Variants in NOPCHAP1 observed in about 807,000 individuals in gnomAD.
The protein encoded by NOPCHAP1 is NOP protein chaperone 1.
NOPCHAP1 carries 13 observed loss-of-function variants against 14.0 expected under a neutral mutation model. The observed-to-expected ratio is 0.93, with a 90% CI of 0.60 to 1.47. The LOEUF (loss-of-function observed/expected upper bound fraction) is 1.47, where lower values mean the gene tolerates loss of function less well. Among genes scored for constraint, NOPCHAP1 ranks in the 40% most tolerant of loss-of-function variants. The pLI is 0.00. For missense variants in NOPCHAP1, 230 were observed against 226.9 expected, an observed-to-expected ratio of 1.01 and a Z score of -0.09; for synonymous variants, 78 against 78.4, an observed-to-expected ratio of 1.00 and a Z score of 0.03.
Position 105,006,665 on chromosome 12 carries a change from A to G in NOPCHAP1, c.*11969A>G, listed in dbSNP as rs1023005457. 9.2e-5 allele frequency: 14 copies of G among 152,210 alleles called. No homozygotes were observed. Among genetic ancestry groups the G allele is most frequent in the African/African-American group, 3.4e-4 (14 of 41,450 alleles). The allele number at this position is 152,210 out of a possible 1,614,324, so 9.4% of individuals were successfully genotyped here. A position where few individuals can be genotyped will look rare whatever the true frequency, so the allele number is the denominator to read the frequency against. ...GGTTAGCAGCCTTATAGATAAGGGC[A>G]GTCCTGATCATAAATCTAATTGCAT... On this transcript the variant is annotated 3_prime_UTR_variant, in exon 4 of 4. Transcript: ENST00000552951.
Position 105,013,973 on chromosome 12 carries a change from T to G in NOPCHAP1, c.*19277T>G, listed in dbSNP as rs1435718614. 3 of 152,330 alleles carry G rather than the reference T, an allele frequency of 2.0e-5. No homozygotes were observed. Among genetic ancestry groups the G allele is most frequent in the Non-Finnish European group, 4.4e-5 (3 of 68,126 alleles). 9.4% of individuals were successfully genotyped at this position (152,330 alleles called of 1,614,324 possible). A position where few individuals can be genotyped will look rare whatever the true frequency, so the allele number is the denominator to read the frequency against. The stretch of plus-strand genomic sequence containing the variant: ...CCGGAGTTGTTCCTATTTGGCCATC[T>G]TGCCAGCCAGCCGAGAGATCACTTT... On this transcript the variant is annotated 3_prime_UTR_variant, in exon 4 of 4. Transcript: ENST00000552951.
rs944107804 is a variant in NOPCHAP1 at position 105,001,854 on chromosome 12, ATTTGT to A, written c.*7162_*7166del. ...CCACCAGAATTGTATAAGATTTTTCATTTGTTTTAACTTTTGTTTTTCCATGTTTA... is the reference window on the plus strand; with the variant it reads ...CCACCAGAATTGTATAAGATTTTTCATTTAACTTTTGTTTTTCCATGTTTA... On this transcript the variant is annotated 3_prime_UTR_variant, in exon 4 of 4. Transcript: ENST00000552951. 4 of 152,214 alleles carry A rather than the reference ATTTGT, an allele frequency of 2.6e-5. No individual in the cohort carries two copies. Among genetic ancestry groups the A allele is most frequent in the Non-Finnish European group, 4.4e-5 (3 of 67,966 alleles). 9.4% of individuals were successfully genotyped at this position (152,214 alleles called of 1,614,324 possible).
chr12:105,013,857 T>A lies in NOPCHAP1; in HGVS notation c.*19161T>A, dbSNP rs755997071. ...CCCCATCCATGGGCTGTACCCACTG[T>A]CTAACCAGTCCCAATGAGGTGAGCT... On this transcript the variant is annotated 3_prime_UTR_variant, in exon 4 of 4. Coordinates refer to ENST00000552951, the MANE Select transcript of NOPCHAP1 (RefSeq NM_152318.3). The A allele has an allele frequency of 1.3e-5, 2 of 152,616 alleles. No homozygotes were observed. Among genetic ancestry groups the A allele is most frequent in the Non-Finnish European group, 2.9e-5 (2 of 68,424 alleles). The allele number at this position is 152,616 out of a possible 1,614,324, so 9.5% of individuals were successfully genotyped here.
chr12:104,994,459 T>C lies in NOPCHAP1; in HGVS notation c.340-19T>C. Reference sequence around the variant, plus strand: ...AGGAACTGCTCTGAAATAGATTTCCTGTCCACTACTTTTTGCAGGATGTGG... The same window carrying C: ...AGGAACTGCTCTGAAATAGATTTCCCGTCCACTACTTTTTGCAGGATGTGG... On this transcript the variant is annotated intron_variant, in intron 3 of 3. Transcript: ENST00000552951. 1 of 1,605,738 alleles carries C rather than the reference T, an allele frequency of 6.2e-7. No homozygotes were observed.
Position 104,994,617 on chromosome 12 carries a change from A to C in NOPCHAP1, c.479A>C (p.Asn160Thr). Residue 160 changes from asparagine to threonine, a missense_variant, in exon 4 of 4, where the codon AAC (asparagine) becomes ACC (threonine). By Grantham distance (65) the Asn-to-Thr change is moderately conservative. Coordinates refer to ENST00000552951, the MANE Select transcript of NOPCHAP1 (RefSeq NM_152318.3). Reference protein sequence around the residue: ...DSIPSEVTIDNIKLPNSEGGK... With the variant: ...DSIPSEVTIDTIKLPNSEGGK... ...ATCCCATCTGAAGTCACCATAGATA[A>C]CATTAAGCTTCCCAATTCTGAAGGT... 4.3e-6 allele frequency: 7 copies of C among 1,613,998 alleles called. No individual in the cohort carries two copies. Among genetic ancestry groups the C allele is most frequent in the Non-Finnish European group, 5.9e-6 (7 of 1,179,960 alleles).
intron 3 of NOPCHAP1, 129 bp from the exon 4 acceptor site, chr12:104,994,349 A>G (rs1873446939): frequency 1.1e-6 from 1 of 947,492 alleles, no homozygotes; most frequent in East Asian, 2.4e-5. Flanking sequence ...TCTGTCTCCA[A>G]AAAAAACCAA....
rs1019071080 is a variant in NOPCHAP1, at chr12:104,992,186, T to C, written c.339+338T>C. 4.6e-5 allele frequency among the ~76,000 whole-genome samples: 7 copies of C among 152,312 alleles called. 1 individual carries two copies. Among genetic ancestry groups the C allele is most frequent in the Admixed American group, 1.3e-4 (2 of 15,306 alleles). On this transcript the variant is annotated intron_variant, in intron 3 of 3. Transcript: ENST00000552951. ...ATAAATGATGTGTGGAAGAGAGCAA[T>C]TGATTACATAAGCTATGTGCAAAAA...
In NOPCHAP1 at chr12:104,997,327, A is replaced by T. The variant is rs1456795733; in HGVS notation, c.*2631A>T. 1.3e-5 allele frequency: 2 copies of T among 152,150 alleles called. No homozygotes were observed. The highest frequency in any genetic ancestry group is 3.9e-4 in the East Asian group (2 of 5,172). The allele number at this position is 152,150 out of a possible 1,614,324, so 9.4% of individuals were successfully genotyped here. ...CATTTGCCTGTCTGAAAAGGATCTT[A>T]TTTCTCCTTTGCTTATGAAGCTTAG... On this transcript the variant is annotated 3_prime_UTR_variant, in exon 4 of 4. Coordinates refer to ENST00000552951, the MANE Select transcript of NOPCHAP1 (RefSeq NM_152318.3).
rs1873652225 is a variant in NOPCHAP1 at position 105,003,554 on chromosome 12, G to A, written c.*8858G>A. 6.6e-6 allele frequency: 1 copy of A among 152,212 alleles called. No homozygotes were observed. The highest frequency in any genetic ancestry group is 2.4e-5 in the African/African-American group (1 of 41,460). The allele number at this position is 152,212 out of a possible 1,614,324, so 9.4% of individuals were successfully genotyped here. ...CTCCAGTTGCTGTGAGAGAGGAATG[G>A]TTACAATAGACCCAGCAAATACATT... On this transcript the variant is annotated 3_prime_UTR_variant, in exon 4 of 4. Coordinates refer to ENST00000552951, the MANE Select transcript of NOPCHAP1 (RefSeq NM_152318.3).
At chr12:104,988,132 G>T (rs1172640000) in intron 1 of NOPCHAP1, 35 bp from the exon 2 acceptor site, 1 of 1,503,164 alleles carries the variant, frequency 6.7e-7, no homozygotes, top group South Asian at 1.1e-5. Context: ...TTATGCTGTA[G>T]TAAATTAAGG....
Position 104,994,858 on chromosome 12 carries a change from T to C in NOPCHAP1, c.*162T>C. ...TGACAGAGTTTCTTTGGGCAAAGAA[T>C]GATTAATGAGTTAGGTAGCATTGTA... On this transcript the variant is annotated 3_prime_UTR_variant, in exon 4 of 4. Transcript: ENST00000552951. 1.5e-6 allele frequency: 1 copy of C among 651,986 alleles called. No homozygotes were observed. The highest frequency in any genetic ancestry group is 2.6e-6 in the Non-Finnish European group (1 of 379,732). The allele number at this position is 651,986 out of a possible 1,614,324, so 40.4% of individuals were successfully genotyped here.
chr12:105,004,296 TGCGGTG>T lies in NOPCHAP1; in HGVS notation c.*9603_*9608del, dbSNP rs1479483297. ...TTTTAAAGTAAAAATAAAGGCCAGG[TGCGGTG>T]GCTCACACCTGTAATCCCAGCACTT... On this transcript the variant is annotated 3_prime_UTR_variant, in exon 4 of 4. Transcript: ENST00000552951. 6.6e-6 allele frequency: 1 copy of T among 152,098 alleles called. No homozygotes were observed. The highest frequency in any genetic ancestry group is 1.5e-5 in the Non-Finnish European group (1 of 68,022). The allele number at this position is 152,098 out of a possible 1,614,324, so 9.4% of individuals were successfully genotyped here.
chr12:104,987,076 A>T (rs1454412255), intron 1 of NOPCHAP1, among the ~76,000 whole-genome samples: 2 of 152,202 alleles, frequency 1.3e-5, no homozygotes, highest in African/African-American at 4.8e-5. Flanking sequence ...CATTTGGAAA[A>T]TGGTGATAGT....
rs1873633399 is a variant in NOPCHAP1, at chr12:105,002,755, T to G, written c.*8059T>G. On this transcript the variant is annotated 3_prime_UTR_variant, in exon 4 of 4. Transcript: ENST00000552951. Reference sequence around the variant, plus strand: ...GGTCAGAGAGTCCTGGCTTGTAAGCTCCTGTGCAAATTCTAAAATCTTCAG... The same window carrying G: ...GGTCAGAGAGTCCTGGCTTGTAAGCGCCTGTGCAAATTCTAAAATCTTCAG... 1 of 152,180 alleles carries G rather than the reference T, an allele frequency of 6.6e-6. No individual in the cohort carries two copies. The highest frequency in any genetic ancestry group is 1.9e-4 in the East Asian group (1 of 5,192). 9.4% of individuals were successfully genotyped at this position (152,180 alleles called of 1,614,324 possible). A position where few individuals can be genotyped will look rare whatever the true frequency, so the allele number is the denominator to read the frequency against.
chr12:104,992,957 T>C (rs1331111301), intron 3 of NOPCHAP1, among the ~76,000 whole-genome samples: 1 of 152,158 alleles, frequency 6.6e-6, no homozygotes, highest in Middle Eastern at 3.2e-3. Context: ...TACACAGTCC[T>C]CATTTACTGC....
Position 104,995,842 on chromosome 12 carries a change from G to A in NOPCHAP1, c.*1146G>A, listed in dbSNP as rs1165391795. 4 of 149,888 alleles carry A rather than the reference G, an allele frequency of 2.7e-5. No homozygotes were observed. The highest frequency in any genetic ancestry group is 2.1e-4 in the South Asian group (1 of 4,736). The allele number at this position is 149,888 out of a possible 1,614,324, so 9.3% of individuals were successfully genotyped here. ...AGTACAGGCGCCCACCACCATGCCC[G>A]GCTAATTTTTTTTTTTTTTGTATTT... On this transcript the variant is annotated 3_prime_UTR_variant, in exon 4 of 4. Coordinates refer to ENST00000552951, the MANE Select transcript of NOPCHAP1 (RefSeq NM_152318.3).
rs1873770224 is a variant in NOPCHAP1 at position 105,009,411 on chromosome 12, A to G, written c.*14715A>G. 6.6e-6 allele frequency: 1 copy of G among 152,212 alleles called. No individual in the cohort carries two copies. Among genetic ancestry groups the G allele is most frequent in the South Asian group, 2.1e-4 (1 of 4,838 alleles). The allele number at this position is 152,212 out of a possible 1,614,324, so 9.4% of individuals were successfully genotyped here. On this transcript the variant is annotated 3_prime_UTR_variant, in exon 4 of 4. Coordinates refer to ENST00000552951, the MANE Select transcript of NOPCHAP1 (RefSeq NM_152318.3). Reference sequence around the variant, plus strand: ...TCTAAATATCATGTCATCTGCAAACAGGGACAATTTGACTTCCTCTCTTCC... The same window carrying G: ...TCTAAATATCATGTCATCTGCAAACGGGGACAATTTGACTTCCTCTCTTCC...
rs1309300382 is a variant in NOPCHAP1, at chr12:104,994,612, A to T, written c.474A>T (p.Ile158=). ...ACAGCATCCCATCTGAAGTCACCAT[A>T]GATAACATTAAGCTTCCCAATTCTG... ...EDDSIPSEVT[I]DNIKLPNSEG... The change falls in exon 4 of 4, where the codon ATA becomes ATT. Residue 158 remains isoleucine (I), a synonymous_variant. Transcript: ENST00000552951. 1.9e-6 allele frequency: 3 copies of T among 1,613,894 alleles called. No individual in the cohort carries two copies. Among genetic ancestry groups the T allele is most frequent in the African/African-American group, 2.7e-5 (2 of 74,948 alleles).
At position 105,000,999 on chromosome 12, in the gene NOPCHAP1, T is replaced by G. The variant is rs1873597610; in HGVS notation, c.*6303T>G. ...GCCCATAAGGCCAATGGTAATACCTTTGGACGAGGCAATTCAATCAATTCA... is the reference window on the plus strand; with the variant it reads ...GCCCATAAGGCCAATGGTAATACCTGTGGACGAGGCAATTCAATCAATTCA... On this transcript the variant is annotated 3_prime_UTR_variant, in exon 4 of 4. Coordinates refer to ENST00000552951, the MANE Select transcript of NOPCHAP1 (RefSeq NM_152318.3). 1 of 151,346 alleles carries G rather than the reference T, an allele frequency of 6.6e-6. No individual in the cohort carries two copies. Among genetic ancestry groups the G allele is most frequent in the Admixed American group, 6.6e-5 (1 of 15,106 alleles). The allele number at this position is 151,346 out of a possible 1,614,324, so 9.4% of individuals were successfully genotyped here. A position where few individuals can be genotyped will look rare whatever the true frequency, so the allele number is the denominator to read the frequency against.
Sources: gnomAD v4.1 joint callset for allele counts (sites outside exome capture counted in the v4.1 genomes callset) on GRCh38, gnomAD v4.1.1 for gene constraint, MANE v1.5 for transcripts, NCBI Gene and HGNC (gene_info 2026-07-23, HGNC 2026-07-21) for gene names.